The following CELF4 variants were observed in gnomAD, a reference collection of about 807,000 sequenced individuals.
CELF4 encodes CUGBP Elav-like family member 4, also known as CUG-BP- and ETR-3-like factor 4.
A neutral mutation model predicts 59.9 loss-of-function variants in CELF4; 18 were observed. That is an observed-to-expected ratio of 0.30 (90% CI 0.21 to 0.45). The LOEUF is 0.45. Ranked by LOEUF, CELF4 falls within the 20% of genes least tolerant of loss-of-function variation. The pLI is 1.00. For missense variants in CELF4, 456 were observed against 689.0 expected (o/e 0.66, Z 3.79); for synonymous variants, 261 against 267.1 (o/e 0.98, Z 0.22).
intron 3 of CELF4, among the ~76,000 whole-genome samples, chr18:37,300,228 C>CT (rs397963393): frequency 0.041 from 5,928 of 144,902 alleles, 192 homozygotes; most frequent in Admixed American, 0.12. Flanking sequence ...TGCTCCAGCA[C>CT]TTTTTTTTTT....
chr18:37,414,622 C>T (rs943681042), intron 2 of CELF4, among the ~76,000 whole-genome samples: 4 of 151,562 alleles, frequency 2.6e-5, no homozygotes, highest in African/African-American at 9.7e-5. Context: ...CTCAGCCTCC[C>T]GAGTAGCTGG....
intron 2 of CELF4, among the ~76,000 whole-genome samples, chr18:37,426,857 C>A (rs915350674): frequency 3.3e-5 from 5 of 151,872 alleles, no homozygotes; most frequent in African/African-American, 1.2e-4. Context: ...GAGAGATGAG[C>A]ACGGCTGCTT....
At chr18:37,470,881 T>A (rs1260298797) in intron 2 of CELF4, among the ~76,000 whole-genome samples, 7,362 of 76,954 alleles carry the variant, frequency 0.096, 300 homozygotes, top group Non-Finnish European at 0.12. Flanking sequence ...TGTGTGTGTG[T>A]GTGTGTGACA....
intron 12 of CELF4, among the ~76,000 whole-genome samples, chr18:37,248,114 C>T (rs2063216277): frequency 1.3e-5 from 2 of 151,322 alleles, no homozygotes; most frequent in Non-Finnish European, 3.0e-5. Flanking sequence ...TGGCCACCAT[C>T]CTAGAGAAGG....
chr18:37,362,318 T>C (rs1481511214), intron 2 of CELF4, among the ~76,000 whole-genome samples: 1 of 152,144 alleles, frequency 6.6e-6, no homozygotes, highest in Non-Finnish European at 1.5e-5. Context: ...CATTTAAATG[T>C]TAATCAAGTC....
At chr18:37,458,205 G>A (rs2099784014) in intron 2 of CELF4, among the ~76,000 whole-genome samples, 1 of 152,182 alleles carries the variant, frequency 6.6e-6, no homozygotes, top group South Asian at 2.1e-4. Context: ...TCCTGTCTCT[G>A]GAGCTCTTTT....
chr18:37,385,925 C>T (rs1035486411), intron 2 of CELF4, among the ~76,000 whole-genome samples: 1 of 152,216 alleles, frequency 6.6e-6, no homozygotes, highest in Non-Finnish European at 1.5e-5. Flanking sequence ...TTTTCAGATA[C>T]TACACTCATA....
intron 2 of CELF4, among the ~76,000 whole-genome samples, chr18:37,461,696 C>T (rs752567910): frequency 1.3e-5 from 2 of 152,172 alleles, no homozygotes; most frequent in African/African-American, 2.4e-5. Context: ...TGTGGCTGTA[C>T]GCCAGAATGG....
intron 1 of CELF4, among the ~76,000 whole-genome samples, chr18:37,523,575 GCCTCTGGGAAATTCAGGCCC>G (rs1446482335): frequency 2.6e-5 from 4 of 152,190 alleles, no homozygotes; most frequent in Non-Finnish European, 4.4e-5. Context: ...GCCCATGCTT[GCCTCTGGGAAATTCAGGCCC>G]ATCATAGGAT....
At chr18:37,405,861 G>A (rs984194240) in intron 2 of CELF4, among the ~76,000 whole-genome samples, 2 of 152,084 alleles carry the variant, frequency 1.3e-5, no homozygotes, top group East Asian at 1.9e-4. Flanking sequence ...GCCAGGCATG[G>A]GGTGGTGGTG....
intron 1 of CELF4, among the ~76,000 whole-genome samples, chr18:37,511,294 C>T (rs548904478): frequency 4.6e-5 from 7 of 152,164 alleles, no homozygotes; most frequent in African/African-American, 7.2e-5. Flanking sequence ...GTGCTGCCCT[C>T]ATGAGCATGT....
At chr18:37,400,653 C>T (rs1180761006) in intron 2 of CELF4, among the ~76,000 whole-genome samples, 1 of 152,228 alleles carries the variant, frequency 6.6e-6, no homozygotes, top group Non-Finnish European at 1.5e-5. Flanking sequence ...CAGCTTCCCA[C>T]ACCAGGCTTT....
At chr18:37,509,649 T>C (rs1460721527) in intron 1 of CELF4, among the ~76,000 whole-genome samples, 2 of 152,228 alleles carry the variant, frequency 1.3e-5, no homozygotes, top group Non-Finnish European at 2.9e-5. Flanking sequence ...ATCTAGCAAT[T>C]CTACTCCTAG....
chr18:37,500,262 G>GTGCAA (rs1005197508), intron 1 of CELF4, among the ~76,000 whole-genome samples: 57 of 152,286 alleles, frequency 3.7e-4, no homozygotes, highest in Non-Finnish European at 6.6e-4. Flanking sequence ...GGAGGCACAG[G>GTGCAA]TGCAATGCTC....
intron 2 of CELF4, among the ~76,000 whole-genome samples, chr18:37,327,169 G>A (rs1308788451): frequency 6.6e-6 from 1 of 152,042 alleles, no homozygotes; most frequent in Non-Finnish European, 1.5e-5. Flanking sequence ...TCCCAACCTC[G>A]CCGCTTCCCC....
chr18:37,493,005 T>C (rs1469918524), intron 1 of CELF4, among the ~76,000 whole-genome samples: 1 of 152,156 alleles, frequency 6.6e-6, no homozygotes, highest in East Asian at 1.9e-4. Flanking sequence ...CTTGTTTCCC[T>C]AGTTATTTCC....
intron 1 of CELF4, among the ~76,000 whole-genome samples, chr18:37,543,069 C>T (rs2099978907): frequency 6.6e-6 from 1 of 152,142 alleles, no homozygotes; most frequent in Non-Finnish European, 1.5e-5. Context: ...CTCTGAGCAA[C>T]CCCTCAAATC....
chr18:37,393,541 C>A (rs933334637), intron 2 of CELF4, among the ~76,000 whole-genome samples: 2 of 152,178 alleles, frequency 1.3e-5, no homozygotes, highest in African/African-American at 4.8e-5. Flanking sequence ...GCAGGGAACT[C>A]ATTGCTCACA....
intron 8 of CELF4, 147 bp from the exon 9 acceptor site, chr18:37,266,745 T>C: frequency 1.4e-6 from 1 of 713,568 alleles, no homozygotes; most frequent in Non-Finnish European, 2.3e-6. Context: ...ACAGAAACCC[T>C]GAGTGCCTGG....
Sources: gnomAD v4.1 joint callset for allele counts (sites outside exome capture counted in the v4.1 genomes callset) on GRCh38, gnomAD v4.1.1 for gene constraint, MANE v1.5 for transcripts, NCBI Gene and HGNC (gene_info 2026-07-23, HGNC 2026-07-21) for gene names.